SPON1: variants seen among roughly 807,000 people sequenced by gnomAD.
The protein encoded by SPON1 is spondin-1.
Under a neutral mutation model 111.7 loss-of-function variants are expected in SPON1, and 52 were observed. The observed-to-expected ratio is 0.47, with a 90% CI of 0.37 to 0.59. SPON1 has a LOEUF of 0.59. Among genes scored for constraint, SPON1 ranks in the 20% least tolerant of loss-of-function variants. The pLI is 0.00. For missense variants in SPON1, 957 were observed against 1,068.5 expected (o/e 0.90, Z 1.46); for synonymous variants, 410 against 395.8 (o/e 1.04, Z -0.43).
At chr11:14,213,388 C>CT (rs1189979826) in intron 6 of SPON1, among the ~76,000 whole-genome samples, 178 of 144,238 alleles carry the variant, frequency 1.2e-3, no homozygotes, top group East Asian at 6.8e-3. Context: ...TTTCTCATTC[C>CT]TTTTTTTTTT....
At chr11:14,090,795 C>G (rs565984697) in intron 5 of SPON1, among the ~76,000 whole-genome samples, 3 of 147,840 alleles carry the variant, frequency 2.0e-5, no homozygotes, top group African/African-American at 7.7e-5. Context: ...ACTGCTGGCT[C>G]CCGCAGCCTG....
At chr11:14,150,437 A>G (rs1369947294) in intron 6 of SPON1, among the ~76,000 whole-genome samples, 2 of 152,042 alleles carry the variant, frequency 1.3e-5, no homozygotes, top group South Asian at 4.2e-4. Flanking sequence ...TATGTTTTCA[A>G]ATATAGCTAG....
intron 14 of SPON1, among the ~76,000 whole-genome samples, chr11:14,261,566 C>T (rs1304837474): frequency 6.6e-6 from 1 of 152,214 alleles, no homozygotes; most frequent in Non-Finnish European, 1.5e-5. Flanking sequence ...CTGGACATGG[C>T]AAGGATAGGC....
rs1848907652 is a variant in SPON1 at position 14,075,223 on chromosome 11, CAGAG to C, written c.480-117_480-114del. 8.8e-6 allele frequency: 6 copies of C among 682,884 alleles called. No homozygotes were observed. The Admixed American group carries it at 1.4e-4, about 16-fold the overall frequency. 42.3% of individuals were successfully genotyped at this position (682,884 alleles called of 1,614,324 possible). A position where few individuals can be genotyped will look rare whatever the true frequency, so the allele number is the denominator to read the frequency against. ...TGTTATGTTAATTTTCTCATGAAGA[CAGAG>C]AGAGTTGGGGTGACTCACTCAAAGC... On this transcript the variant is annotated intron_variant, in intron 3 of 15. Coordinates refer to ENST00000576479, the MANE Select transcript of SPON1 (RefSeq NM_006108.4).
rs1554925669 is a variant in SPON1 at position 14,113,590 on chromosome 11, T to A, written c.677-21830T>A. 4.1e-3 allele frequency among the ~76,000 whole-genome samples: 143 copies of A among 34,552 alleles called. 25 individuals are homozygous for A. The highest frequency in any genetic ancestry group is 0.015 in the African/African-American group (127 of 8,480). The allele number at this position is 34,552 out of a possible 152,430, so 22.7% of individuals were successfully genotyped here. On this transcript the variant is annotated intron_variant, in intron 5 of 15. Transcript: ENST00000576479. ...TAAATTTTTTTTTTTTTTTTTTTTT[T>A]TTTTTTTTTTTTTTTTTTTTTTTTT...
At chr11:14,131,191 C>A (rs1171749743) in intron 5 of SPON1, among the ~76,000 whole-genome samples, 2 of 152,166 alleles carry the variant, frequency 1.3e-5, no homozygotes, top group African/African-American at 4.8e-5. Flanking sequence ...GTATCATGAC[C>A]TCACAGTGGG....
intron 5 of SPON1, among the ~76,000 whole-genome samples, chr11:14,120,198 C>T (rs1248637863): frequency 6.6e-6 from 1 of 152,074 alleles, no homozygotes; most frequent in African/African-American, 2.4e-5. Context: ...AATATGTAAG[C>T]ATATAGTAAA....
chr11:14,193,079 GTC>G (rs1165224403), intron 6 of SPON1, among the ~76,000 whole-genome samples: 1 of 152,202 alleles, frequency 6.6e-6, no homozygotes, highest in Non-Finnish European at 1.5e-5. Context: ...AGCAGAGCAA[GTC>G]TCTGATGTAT....
At chr11:14,098,348 A>G (rs1357396654) in intron 5 of SPON1, among the ~76,000 whole-genome samples, 2 of 151,984 alleles carry the variant, frequency 1.3e-5, no homozygotes, top group African/African-American at 2.4e-5. Flanking sequence ...TTACTATTCA[A>G]TCTCTTTTGT....
intron 2 of SPON1, among the ~76,000 whole-genome samples, chr11:14,001,193 G>A (rs1848314839): frequency 6.6e-6 from 1 of 152,168 alleles, no homozygotes. Context: ...GTAAATGGTA[G>A]GAGGACTTAA....
chr11:14,149,786 T>C (rs569256661), intron 6 of SPON1, among the ~76,000 whole-genome samples: 1 of 152,362 alleles, frequency 6.6e-6, no homozygotes, highest in Admixed American at 6.5e-5. Context: ...CAATAGGCTA[T>C]ACCATATAGC....
intron 1 of SPON1, among the ~76,000 whole-genome samples, chr11:13,965,514 G>C (rs1382954819): frequency 2.6e-5 from 4 of 152,166 alleles, no homozygotes; most frequent in Non-Finnish European, 5.9e-5. Flanking sequence ...TGGGGAACTG[G>C]GACTGGATAG....
chr11:14,123,492 C>G (rs572596416), intron 5 of SPON1, among the ~76,000 whole-genome samples: 1 of 152,224 alleles, frequency 6.6e-6, no homozygotes, highest in East Asian at 1.9e-4. Context: ...CAAGTTCTCT[C>G]TAACATGGAT....
intron 3 of SPON1, among the ~76,000 whole-genome samples, chr11:14,071,777 T>A (rs1848878640): frequency 6.6e-6 from 1 of 152,062 alleles, no homozygotes; most frequent in Non-Finnish European, 1.5e-5. Flanking sequence ...AGTGGTGCAA[T>A]CTCAGCTCAC....
At chr11:14,064,566 G>T (rs1237583297) in intron 3 of SPON1, among the ~76,000 whole-genome samples, 1 of 152,236 alleles carries the variant, frequency 6.6e-6, no homozygotes, top group Non-Finnish European at 1.5e-5. Flanking sequence ...TGGATGTTTA[G>T]CCAAGACTTC....
At chr11:14,207,277 C>T (rs1554936283) in intron 6 of SPON1, among the ~76,000 whole-genome samples, 1 of 151,360 alleles carries the variant, frequency 6.6e-6, no homozygotes, top group African/African-American at 2.4e-5. Context: ...CAAAACTAAC[C>T]TAGGCAATAC....
intron 2 of SPON1, among the ~76,000 whole-genome samples, chr11:14,032,304 G>T (rs1283251911): frequency 7.1e-6 from 1 of 141,662 alleles, no homozygotes; most frequent in Non-Finnish European, 1.6e-5. Context: ...AGGAACGTTT[G>T]TTTCATATTT....
intron 3 of SPON1, among the ~76,000 whole-genome samples, chr11:14,064,255 T>A (rs1291457180): frequency 6.6e-6 from 1 of 152,104 alleles, no homozygotes; most frequent in African/African-American, 2.4e-5. Flanking sequence ...ATACAAGATA[T>A]TAAATAAAGT....
chr11:13,998,460 T>C (rs982705948), intron 2 of SPON1, among the ~76,000 whole-genome samples: 4 of 152,232 alleles, frequency 2.6e-5, no homozygotes, highest in Admixed American at 2.6e-4. Context: ...TCTTCTGTCT[T>C]TCCTGACATT....
Sources: gnomAD v4.1 joint callset for allele counts (sites outside exome capture counted in the v4.1 genomes callset) on GRCh38, gnomAD v4.1.1 for gene constraint, MANE v1.5 for transcripts, NCBI Gene and HGNC (gene_info 2026-07-23, HGNC 2026-07-21) for gene names.